Variants in EDN1 observed in about 807,000 individuals in gnomAD.
EDN1 encodes endothelin-1.
EDN1 carries 11 observed loss-of-function variants against 21.7 expected under a neutral mutation model. That is an observed-to-expected ratio of 0.51 (90% CI 0.32 to 0.84). The LOEUF (loss-of-function observed/expected upper bound fraction) is 0.84. Ranked by LOEUF, EDN1 falls within the 40% of genes least tolerant of loss-of-function variation. EDN1 has a pLI of 0.03. For missense variants in EDN1, 244 were observed against 262.3 expected (o/e 0.93, Z 0.48); for synonymous variants, 85 against 90.6 (o/e 0.94, Z 0.35).
intron 4 of EDN1, among the ~76,000 whole-genome samples, chr6:12,295,707 C>T (rs775255935): frequency 6.6e-6 from 1 of 152,100 alleles, no homozygotes; most frequent in Non-Finnish European, 1.5e-5. Context: ...TTATTTAAAA[C>T]CTGTATTTAC....
At chr6:12,283,336 C>T in the EDN1 span, among the ~76,000 whole-genome samples, 8 of 151,970 alleles carry the variant, frequency 5.3e-5, no homozygotes, top group African/African-American at 7.3e-5. Context: ...ACAGATTATC[C>T]TTTTATTCAA....
At chr6:12,272,009 TG>T in the EDN1 span, among the ~76,000 whole-genome samples, 606 of 152,316 alleles carry the variant, frequency 4.0e-3, 7 homozygotes, top group African/African-American at 0.013. Flanking sequence ...TTTTTAAGAA[TG>T]TCATAAATGA....
chr6:12,262,871 T>A, the EDN1 span, among the ~76,000 whole-genome samples: 11 of 132,212 alleles, frequency 8.3e-5, no homozygotes, highest in Admixed American at 4.6e-4. Flanking sequence ...AAACCCTGTT[T>A]AAAAAAAAAA....
Position 12,294,366 on chromosome 6 carries a change from A to C in EDN1, c.495A>C (p.Lys165Asn). Reference protein sequence around the residue: ...CIYQQLVRGRKIRRSSEEHLR... With the variant: ...CIYQQLVRGRNIRRSSEEHLR... Reference sequence around the variant, plus strand: ...ATCAGCAGTTAGTGAGAGGAAGAAAAATCAGAAGAAGTTCAGAGGAACACC... The same window carrying C: ...ATCAGCAGTTAGTGAGAGGAAGAAACATCAGAAGAAGTTCAGAGGAACACC... Residue 165 changes from lysine (K) to asparagine (N), a missense_variant, in exon 4 of 5, where the codon AAA becomes AAC. Transcript: ENST00000379375. 6.2e-7 allele frequency: 1 copy of C among 1,614,178 alleles called. No homozygotes were observed. The highest frequency in any genetic ancestry group is 8.5e-7 in the Non-Finnish European group (1 of 1,180,040).
In EDN1 at chr6:12,296,078, G is replaced by A; in HGVS notation, c.*11G>A. 6.2e-7 allele frequency: 1 copy of A among 1,610,822 alleles called. No homozygotes were observed. The highest frequency in any genetic ancestry group is 8.5e-7 in the Non-Finnish European group (1 of 1,177,116). On this transcript the variant is annotated 3_prime_UTR_variant, in exon 5 of 5. Transcript: ENST00000379375. ...CGAGCACATTGGTGACAGACCTTCG[G>A]GGCCTGTCTGAAGCCATAGCCTCCA... is the stretch of plus-strand genomic sequence containing the variant.
At chr6:12,295,466 T>A (rs1762799626) in intron 4 of EDN1, among the ~76,000 whole-genome samples, 1 of 151,874 alleles carries the variant, frequency 6.6e-6, no homozygotes, top group Admixed American at 6.6e-5. Flanking sequence ...ATTTCTCCTG[T>A]AAAACATTAG....
intron 4 of EDN1, 60 bp from the exon 5 acceptor site, chr6:12,295,902 T>G: frequency 1.3e-6 from 2 of 1,556,706 alleles, no homozygotes; most frequent in Non-Finnish European, 1.8e-6. Flanking sequence ...TACATGTTTC[T>G]TTTGCCAAAG....
chr6:12,232,625 G>GAA, the EDN1 span, among the ~76,000 whole-genome samples: 1 of 151,908 alleles, frequency 6.6e-6, no homozygotes, highest in Non-Finnish European at 1.5e-5. Context: ...TTATTAGAAG[G>GAA]AAAAAAATGC....
the EDN1 span, among the ~76,000 whole-genome samples, chr6:12,259,414 T>A: frequency 6.6e-6 from 1 of 150,664 alleles, no homozygotes. Flanking sequence ...TTTAAATAAT[T>A]AGAAAGATTA....
the EDN1 span, among the ~76,000 whole-genome samples, chr6:12,248,511 CTG>C: frequency 1.3e-5 from 2 of 152,164 alleles, no homozygotes; most frequent in Admixed American, 1.3e-4. Flanking sequence ...TATGAGCAGA[CTG>C]AATGTATATG....
rs762501115 is a variant in EDN1 at position 12,294,328 on chromosome 6, A to G, written c.457A>G (p.Lys153Glu). 18 of 1,614,106 alleles carry G rather than the reference A, an allele frequency of 1.1e-5. No homozygotes were observed. The highest frequency in any genetic ancestry group is 9.9e-5 in the South Asian group (9 of 91,084). ...AGGAAAAGACTGTTCCAAGCTTGGGAAAAAGTGTATTTATCAGCAGTTAGT... is the reference window on the plus strand; with the variant it reads ...AGGAAAAGACTGTTCCAAGCTTGGGGAAAAGTGTATTTATCAGCAGTTAGT... ...KKGKDCSKLG[K>E]KCIYQQLVRG... Residue 153 changes from lysine to glutamate, a missense_variant, in exon 4 of 5, where the codon AAA becomes GAA. Coordinates refer to ENST00000379375, the MANE Select transcript of EDN1 (RefSeq NM_001955.5).
At chr6:12,265,330 TG>T in the EDN1 span, among the ~76,000 whole-genome samples, 2 of 152,222 alleles carry the variant, frequency 1.3e-5, no homozygotes, top group Non-Finnish European at 2.9e-5. Flanking sequence ...CAAATTCATT[TG>T]TTGAAGGGTT....
At chr6:12,280,794 A>G in the EDN1 span, among the ~76,000 whole-genome samples, 4 of 152,210 alleles carry the variant, frequency 2.6e-5, no homozygotes, top group Admixed American at 2.0e-4. Flanking sequence ...TCGGGAGGCT[A>G]ATGCAGGAGA....
At chr6:12,291,463 CTTT>C (rs1005420913) in intron 1 of EDN1, among the ~76,000 whole-genome samples, 5 of 152,088 alleles carry the variant, frequency 3.3e-5, no homozygotes, top group Admixed American at 2.6e-4. Context: ...GGTCAGTGCA[CTTT>C]TTTTGTCTTT....
At chr6:12,270,016 T>A in the EDN1 span, among the ~76,000 whole-genome samples, 2 of 152,080 alleles carry the variant, frequency 1.3e-5, no homozygotes, top group African/African-American at 4.8e-5. Context: ...TTTCTGTTTC[T>A]TCATAATTCA....
the EDN1 span, among the ~76,000 whole-genome samples, chr6:12,230,805 G>A: frequency 4.6e-5 from 7 of 152,018 alleles, no homozygotes; most frequent in Non-Finnish European, 8.8e-5. Flanking sequence ...TGGCAAATAC[G>A]GAACTTCTGA....
upstream of EDN1, among the ~76,000 whole-genome samples, chr6:12,288,655 T>A (rs1762605586): frequency 6.6e-6 from 1 of 152,154 alleles, no homozygotes; most frequent in Non-Finnish European, 1.5e-5. Flanking sequence ...AGAGGATGCA[T>A]GTCATTATGG....
In EDN1 at chr6:12,295,943, T is replaced by C. The variant is rs764171512; in HGVS notation, c.534-19T>C. ...TTTTTTTAAAATAACATTTGTTTTC[T>C]CTTATCTTGCTTTATTAGGTCGGAG... is the stretch of plus-strand genomic sequence containing the variant. On this transcript the variant is annotated intron_variant, in intron 4 of 4. Transcript: ENST00000379375. 6.2e-7 allele frequency: 1 copy of C among 1,611,524 alleles called. No individual in the cohort carries two copies. Among genetic ancestry groups the C allele is most frequent in the South Asian group, 1.1e-5 (1 of 91,014 alleles).
the EDN1 span, among the ~76,000 whole-genome samples, chr6:12,245,491 T>G: frequency 2.6e-5 from 4 of 152,312 alleles, no homozygotes; most frequent in Admixed American, 2.0e-4. Flanking sequence ...TCCAAGTAAC[T>G]GAAAACCTGG....
Sources: allele counts gnomAD v4.1 joint callset (sites outside exome capture counted in the v4.1 genomes callset), GRCh38; gene constraint gnomAD v4.1.1; transcripts MANE v1.5; gene names NCBI Gene and HGNC (gene_info 2026-07-23, HGNC 2026-07-21).